Variants in NECAP2 observed in about 807,000 individuals in gnomAD.
The protein encoded by NECAP2 is adaptin ear-binding coat-associated protein 2.
A neutral mutation model predicts 37.8 loss-of-function variants in NECAP2; 38 were observed. The observed-to-expected ratio is 1.01, with a 90% confidence interval of 0.78 to 1.32. The LOEUF is 1.32. NECAP2 is among the 40% of genes most tolerant of loss of function. The pLI is 0.00. For synonymous variants in NECAP2, 121 were observed against 127.7 expected (o/e 0.95, Z 0.35); for missense variants, 316 against 334.5 (o/e 0.94, Z 0.43).
Position 16,443,644 on chromosome 1 carries a change from G to A in NECAP2, c.105G>A (p.Trp35Ter). 1 of 1,610,406 alleles carries A rather than the reference G, an allele frequency of 6.2e-7. No individual in the cohort carries two copies. The highest frequency in any genetic ancestry group is 2.2e-5 in the East Asian group (1 of 44,826). The stretch of plus-strand genomic sequence containing the variant: ...TTTGTCCCCTTAGGGCTGCGGAGTG[G>A]CAGCTGGACCAGCCATCATGGAGTG... The part of the protein sequence containing the change: ...ATNRGYRAAE[W>*]QLDQPSWSGR... Residue 35 changes from tryptophan to a stop codon, truncating the protein, a stop_gained, in exon 2 of 8, where the codon TGG becomes TGA. Coordinates refer to ENST00000337132, the MANE Select transcript of NECAP2 (RefSeq NM_018090.5). LOFTEE classifies it high-confidence loss of function.
intron 4 of NECAP2, 119 bp from the exon 5 acceptor site, chr1:16,448,974 A>G (rs2086802775): frequency 1.5e-6 from 1 of 653,914 alleles, no homozygotes; most frequent in Non-Finnish European, 2.7e-6. Context: ...TCTTTCCAGC[A>G]CCCCGTCTCA....
intron 4 of NECAP2, 45 bp from the exon 5 acceptor site, chr1:16,449,048 C>G: frequency 7.6e-7 from 1 of 1,315,652 alleles, no homozygotes; most frequent in Non-Finnish European, 1.1e-6. Flanking sequence ...TGCAGGGCAG[C>G]TGGTCTCTTC....
chr1:16,459,156 A>C lies in NECAP2; in HGVS notation c.*266A>C. ...TGTCCCCATCTGTCCTCTTGATGTG[A>C]GAGAGACTCTGAGACTTCTTCCATC... On this transcript the variant is annotated 3_prime_UTR_variant, in exon 8 of 8. Coordinates refer to ENST00000337132, the MANE Select transcript of NECAP2 (RefSeq NM_018090.5). 5 of 660,704 alleles carry C rather than the reference A, an allele frequency of 7.6e-6. No individual in the cohort carries two copies. The highest frequency in any genetic ancestry group is 1.0e-5 in the Non-Finnish European group (4 of 401,238). 40.9% of individuals were successfully genotyped at this position (660,704 alleles called of 1,614,324 possible). A position where few individuals can be genotyped will look rare whatever the true frequency, so the allele number is the denominator to read the frequency against.
chr1:16,456,667 T>TAA (rs1437712879), intron 7 of NECAP2, among the ~76,000 whole-genome samples: 2 of 152,206 alleles, frequency 1.3e-5, no homozygotes, highest in African/African-American at 4.8e-5. Flanking sequence ...GGTGAAAAGA[T>TAA]ACTAAATTCC....
Position 16,455,680 on chromosome 1 carries a change from G to A in NECAP2, c.668-138G>A. 5.9e-6 allele frequency: 4 copies of A among 673,320 alleles called. No homozygotes were observed. The South Asian group carries it at 6.8e-5, about 11-fold the overall frequency. The allele number at this position is 673,320 out of a possible 1,614,324, so 41.7% of individuals were successfully genotyped here. On this transcript the variant is annotated intron_variant, in intron 6 of 7. Coordinates refer to ENST00000337132, the MANE Select transcript of NECAP2 (RefSeq NM_018090.5). ...GTTTGGTTGCCCAAAAGCATGTCTG[G>A]TGTGGCTTTCCCAGCTACCTGGTGT...
intron 2 of NECAP2, among the ~76,000 whole-genome samples, chr1:16,446,333 A>G (rs1335475224): frequency 6.6e-6 from 1 of 152,130 alleles, no homozygotes; most frequent in African/African-American, 2.4e-5. Flanking sequence ...TTGGGAGGCC[A>G]AGGTGGGAGG....
chr1:16,451,536 T>C, intron 5 of NECAP2: 1 of 391,752 alleles, frequency 2.6e-6, no homozygotes, highest in Non-Finnish European at 4.6e-6. Context: ...TAGTCAATAC[T>C]TGATAATCTA....
intron 6 of NECAP2, among the ~76,000 whole-genome samples, chr1:16,452,220 C>A (rs1354787159): frequency 1.3e-5 from 2 of 152,224 alleles, no homozygotes; most frequent in South Asian, 4.1e-4. Context: ...CGTCTGCCCT[C>A]CCCTGAGAGG....
chr1:16,440,986 C>T (rs770842057), intron 1 of NECAP2, 133 bp downstream of exon 1: 61 of 707,400 alleles, frequency 8.6e-5, no homozygotes, highest in Non-Finnish European at 1.5e-4. Context: ...GCTGCTTCTT[C>T]CAGTTCCAGG....
At chr1:16,445,511 G>A (rs1485682314) in intron 2 of NECAP2, among the ~76,000 whole-genome samples, 1 of 152,216 alleles carries the variant, frequency 6.6e-6, no homozygotes, top group Non-Finnish European at 1.5e-5. Flanking sequence ...GCTGTAGGCT[G>A]AAGGAATCTT....
chr1:16,453,140 G>C (rs1485422795), intron 6 of NECAP2, among the ~76,000 whole-genome samples: 1 of 143,836 alleles, frequency 7.0e-6, no homozygotes, highest in African/African-American at 2.6e-5. Context: ...GAGTTTTTTT[G>C]CTCTTGTTGC....
intron 2 of NECAP2, among the ~76,000 whole-genome samples, chr1:16,447,622 C>A (rs2086782697): frequency 6.6e-6 from 1 of 152,184 alleles, no homozygotes; most frequent in Non-Finnish European, 1.5e-5. Flanking sequence ...TTAAGAGAGG[C>A]CAGGCAGAAT....
In NECAP2 at chr1:16,451,875, G is replaced by A. The variant is rs140549179; in HGVS notation, c.527G>A (p.Arg176Gln). The change falls in exon 6 of 8, where the codon CGA becomes CAA. Residue 176 changes from arginine to glutamine, a missense_variant. Arg to Gln is a conservative substitution (Grantham distance 43, BLOSUM62 1). Transcript: ENST00000337132. Reference protein sequence around the residue: ...KKKEGAAGNPRVRPASTGGLS... With the variant: ...KKKEGAAGNPQVRPASTGGLS... Reference sequence around the variant, plus strand: ...AAGGAAGGAGCAGCTGGGAATCCCCGAGTCCGGCCTGCCAGCACAGGAGGG... The same window carrying A: ...AAGGAAGGAGCAGCTGGGAATCCCCAAGTCCGGCCTGCCAGCACAGGAGGG... The A allele has an allele frequency of 2.0e-3, 3,268 of 1,614,096 alleles. 9 individuals carry two copies. Among genetic ancestry groups the A allele is most frequent in the Non-Finnish European group, 2.6e-3 (3,029 of 1,179,980 alleles).
chr1:16,451,704 G>A, intron 5 of NECAP2, 134 bp from the exon 6 acceptor site: 5 of 792,928 alleles, frequency 6.3e-6, no homozygotes, highest in Non-Finnish European at 1.1e-5. Flanking sequence ...AGCAATGGAG[G>A]TGCTAGGTAG....
intron 7 of NECAP2, among the ~76,000 whole-genome samples, chr1:16,457,061 C>T (rs1057314180): frequency 6.6e-6 from 1 of 152,188 alleles, no homozygotes; most frequent in African/African-American, 2.4e-5. Context: ...GTGTGGTCTT[C>T]GTTCTAGCTA....
intron 6 of NECAP2, among the ~76,000 whole-genome samples, chr1:16,454,306 G>A (rs930897796): frequency 1.3e-5 from 2 of 151,344 alleles, no homozygotes. Context: ...TGATCCTCCC[G>A]CCTTGACCTC....
At chr1:16,450,502 T>C (rs960244246) in intron 5 of NECAP2, 12 of 174,234 alleles carry the variant, frequency 6.9e-5, no homozygotes, top group African/African-American at 2.9e-4. Flanking sequence ...TCCTTACAAG[T>C]AGGGAACACA....
intron 7 of NECAP2, among the ~76,000 whole-genome samples, chr1:16,457,707 G>GTTTTTTTTT (rs56863489): frequency 1.9e-5 from 2 of 105,458 alleles, no homozygotes; most frequent in African/African-American, 7.6e-5. Context: ...TAGTAATTCT[G>GTTTTTTTTT]TTTTTTTTTT....
Position 16,451,850 on chromosome 1 carries a change from A to G in NECAP2, c.502A>G (p.Lys168Glu), listed in dbSNP as rs2086846660. ...CTTCCCTCTTTAGAACATGAAGAAG[A>G]AGGAAGGAGCAGCTGGGAATCCCCG... is the stretch of plus-strand genomic sequence containing the variant. The part of the protein sequence containing the change: ...IKLNIANMKK[K>E]EGAAGNPRVR... The change falls in exon 6 of 8, where the codon AAG becomes GAG. Residue 168 changes from lysine to glutamate, a missense_variant. By Grantham distance (56) the Lys-to-Glu change is moderately conservative. This residue lies in a region of NECAP2 where 204 missense variants were observed against 188.6 expected (regional missense o/e 1.08). Transcript: ENST00000337132. The G allele has an allele frequency of 3.1e-6, 5 of 1,614,094 alleles. No homozygotes were observed. Among genetic ancestry groups the G allele is most frequent in the South Asian group, 2.2e-5 (2 of 91,084 alleles).
Sources: gnomAD v4.1 joint callset for allele counts (sites outside exome capture counted in the v4.1 genomes callset) on GRCh38, gnomAD v4.1.1 for gene constraint, gnomAD v4.1.1 regional missense constraint, MANE v1.5 for transcripts, NCBI Gene and HGNC (gene_info 2026-07-23, HGNC 2026-07-21) for gene names.